Variants in ADPRHL1 observed in about 807,000 individuals in gnomAD.
ADPRHL1 encodes the protein inactive ADP-ribosyltransferase ARH2.
In ADPRHL1, 43 loss-of-function variants were observed where a neutral mutation model predicts 44.1. The observed-to-expected ratio is 0.98, with a 90% CI of 0.76 to 1.26. ADPRHL1 has a LOEUF of 1.26. Among genes scored for constraint, ADPRHL1 ranks in the 50% most tolerant of loss-of-function variants. ADPRHL1 has a pLI of 0.00. For missense variants in ADPRHL1, 2,022 were observed against 2,496.9 expected, an observed-to-expected ratio of 0.81 and a Z score of 4.05; for synonymous variants, 878 against 1,017.4, an observed-to-expected ratio of 0.86 and a Z score of 2.61.
chr13:113,412,518 C>T (rs1317686269), intron 7 of ADPRHL1, among the ~76,000 whole-genome samples: 2 of 152,248 alleles, frequency 1.3e-5, no homozygotes, highest in Non-Finnish European at 2.9e-5. Context: ...CACTTTTCAA[C>T]AAGTCACCCC....
rs773745917 is a variant in ADPRHL1 at position 113,433,779 on chromosome 13, G to A, written c.468C>T (p.Ser156=). 27 of 1,593,810 alleles carry A rather than the reference G, an allele frequency of 1.7e-5. No homozygotes were observed. The highest frequency in any genetic ancestry group is 5.7e-5 in the South Asian group (5 of 87,964). ...PERLETLIEV[S]VECGRMTHNH... ...TGTGGGTCATCCGGCCGCACTCCACGCTGACCTCGATGAGGGTCTCCAGCC... is the reference window on the plus strand; with the variant it reads ...TGTGGGTCATCCGGCCGCACTCCACACTGACCTCGATGAGGGTCTCCAGCC... Residue 156 remains serine, a synonymous_variant, in exon 3 of 8, where the codon AGC becomes AGT. Transcript: ENST00000612156.
At chr13:113,439,447 T>A (rs867538474) in intron 2 of ADPRHL1, among the ~76,000 whole-genome samples, 26,803 of 144,092 alleles carry the variant, frequency 0.19, 2,769 homozygotes, top group Non-Finnish European at 0.2. Context: ...TCTTTGTATT[T>A]TTTTTTTTTT....
chr13:113,416,333 T>C (rs1285469432), intron 7 of ADPRHL1, among the ~76,000 whole-genome samples: 2 of 152,040 alleles, frequency 1.3e-5, no homozygotes, highest in Non-Finnish European at 2.9e-5. Flanking sequence ...AGATCTTATA[T>C]GTGACTGACT....
intron 7 of ADPRHL1, among the ~76,000 whole-genome samples, chr13:113,412,779 GCA>G (rs2043863344): frequency 3.0e-5 from 3 of 98,952 alleles, no homozygotes; most frequent in Non-Finnish European, 6.8e-5. Context: ...ACAGCGCCCC[GCA>G]GAACTCGGTT....
chr13:113,414,675 TTC>T (rs2043878210), intron 7 of ADPRHL1, among the ~76,000 whole-genome samples: 1 of 149,408 alleles, frequency 6.7e-6, no homozygotes, highest in Non-Finnish European at 1.5e-5. Flanking sequence ...GTCTTCTGTT[TTC>T]TGTTTTTTTT....
chr13:113,422,901 A>C lies in ADPRHL1; in HGVS notation c.986T>G (p.Leu329Trp). 2 of 1,612,938 alleles carry C rather than the reference A, an allele frequency of 1.2e-6. No individual in the cohort carries two copies. The highest frequency in any genetic ancestry group is 1.3e-5 in the African/African-American group (1 of 75,040). ...LYGLDLVPKG[L>W]YQDLEDKEKL... ...CTCCTTGTCCTCCAGGTCCTGGTAC[A>C]AGCCTTTGGGAACGAGGTCCAGGCC... The change falls in exon 7 of 8, where the codon TTG becomes TGG. Residue 329 changes from leucine (L) to tryptophan (W), a missense_variant. By Grantham distance (61) the Leu-to-Trp change is moderately conservative. This residue lies in a region of ADPRHL1 where 1,221 missense variants were observed against 1,517.8 expected (regional missense o/e 0.80). Transcript: ENST00000612156.
chr13:113,433,197 A>T (rs1378377703), intron 3 of ADPRHL1, among the ~76,000 whole-genome samples: 1 of 152,156 alleles, frequency 6.6e-6, no homozygotes, highest in Non-Finnish European at 1.5e-5. Flanking sequence ...CGTGGGGTGG[A>T]GCCGCTCCCG....
chr13:113,403,801 C>T lies in ADPRHL1; in HGVS notation c.5481G>A (p.Glu1827=). The T allele has an allele frequency of 8.1e-7, 1 of 1,234,480 alleles. No individual in the cohort carries two copies. The allele number at this position is 1,234,480 out of a possible 1,614,324, so 76.5% of individuals were successfully genotyped here. A position where few individuals can be genotyped will look rare whatever the true frequency, so the allele number is the denominator to read the frequency against. The change falls in exon 8 of 8, where the codon GAG becomes GAA. Residue 1827 remains glutamate, a synonymous_variant. Coordinates refer to ENST00000612156, the MANE Select transcript of ADPRHL1 (RefSeq NM_001394807.1). ...CACTCCTGCCAGCAGCATCCACTCC[C>T]TCAGCTATGCCACTAATGGGCTGCT... ...AWEQPISGIA[E]GVDAAGRSGG...
intron 3 of ADPRHL1, among the ~76,000 whole-genome samples, 192 bp downstream of exon 3, chr13:113,433,550 G>C (rs571054206): frequency 1.3e-5 from 2 of 152,326 alleles, no homozygotes; most frequent in Admixed American, 1.3e-4. Context: ...CCAGCCCAGT[G>C]TCCCGGGCAG....
intron 1 of ADPRHL1, among the ~76,000 whole-genome samples, chr13:113,447,059 GCA>G: frequency 1.4e-5 from 2 of 147,050 alleles, no homozygotes; most frequent in Admixed American, 6.8e-5. Context: ...TGTTGTGTGT[GCA>G]TGGTGTCTAC....
chr13:113,414,294 A>G (rs377399012), intron 7 of ADPRHL1, among the ~76,000 whole-genome samples: 110 of 152,302 alleles, frequency 7.2e-4, no homozygotes, highest in African/African-American at 2.5e-3. Flanking sequence ...CTCGGCCAAC[A>G]GCGCTTAGAA....
Position 113,405,365 on chromosome 13 carries a change from C to G in ADPRHL1, c.3917G>C (p.Arg1306Pro), listed in dbSNP as rs573677872. ...AAGCAGATGGTCAGGCTCCGCCCCA[C>G]GGGGAAACCTGACGCCCTCCCTGCC... Reference protein sequence around the residue: ...AKGREGVRFPRGAEPDHLLPA... With the variant: ...AKGREGVRFPPGAEPDHLLPA... Residue 1306 changes from arginine (R) to proline (P), a missense_variant, in exon 8 of 8, where the codon CGT becomes CCT. Around this residue, in one of 8 missense-constraint regions of ADPRHL1, gnomAD observed 1,221 missense variants for 1,517.8 expected, o/e 0.80. Transcript: ENST00000612156. 4.9e-6 allele frequency: 6 copies of G among 1,231,714 alleles called. No individual in the cohort carries two copies. The African/African-American group carries it at 6.2e-5, about 13-fold the overall frequency. The allele number at this position is 1,231,714 out of a possible 1,614,324, so 76.3% of individuals were successfully genotyped here. A position where few individuals can be genotyped will look rare whatever the true frequency, so the allele number is the denominator to read the frequency against.
chr13:113,427,448 C>G (rs1029769128), intron 4 of ADPRHL1, among the ~76,000 whole-genome samples: 2 of 152,208 alleles, frequency 1.3e-5, no homozygotes, highest in African/African-American at 4.8e-5. Context: ...AGGCTGACCT[C>G]GAACTCCTGA....
chr13:113,406,940 G>A lies in ADPRHL1; in HGVS notation c.2342C>T (p.Thr781Ile). The stretch of plus-strand genomic sequence containing the variant: ...ATCCTCTGAACTGCAAACAGTCATG[G>A]TGATTTCAGGGCCCTCCCCTGCACA... Reference protein sequence around the residue: ...GECAGEGPEITMTVCSSEDER... With the variant: ...GECAGEGPEIIMTVCSSEDER... The change falls in exon 8 of 8, where the codon ACC (threonine) becomes ATC (isoleucine). Residue 781 changes from threonine to isoleucine, a missense_variant. By Grantham distance (89) the Thr-to-Ile change is moderately conservative (BLOSUM62 -1). Transcript: ENST00000612156. 8.1e-7 allele frequency: 1 copy of A among 1,232,184 alleles called. No individual in the cohort carries two copies. The highest frequency in any genetic ancestry group is 1.0e-6 in the Non-Finnish European group (1 of 988,066). 76.3% of individuals were successfully genotyped at this position (1,232,184 alleles called of 1,614,324 possible).
intron 1 of ADPRHL1, among the ~76,000 whole-genome samples, chr13:113,450,921 G>GAA (rs1325865241): frequency 6.6e-6 from 1 of 150,964 alleles, no homozygotes; most frequent in Non-Finnish European, 1.5e-5. Flanking sequence ...TGGAAGAGCA[G>GAA]TCTTCTCTAA....
Position 113,403,022 on chromosome 13 carries a change from G to C in ADPRHL1, c.*356C>G, listed in dbSNP as rs568320242. The C allele has an allele frequency of 2.3e-5, 4 of 173,154 alleles. No homozygotes were observed. The South Asian group carries it at 8.0e-4, about 35-fold the overall frequency. 10.7% of individuals were successfully genotyped at this position (173,154 alleles called of 1,614,324 possible). A position where few individuals can be genotyped will look rare whatever the true frequency, so the allele number is the denominator to read the frequency against. ...AAGTGCCAGCATCCTGCAGATCGAA[G>C]GGGACGCACACACCGTGCCACTGCG... is the stretch of plus-strand genomic sequence containing the variant. On this transcript the variant is annotated 3_prime_UTR_variant, in exon 8 of 8. Coordinates refer to ENST00000612156, the MANE Select transcript of ADPRHL1 (RefSeq NM_001394807.1).
chr13:113,432,001 A>G (rs898028885), intron 3 of ADPRHL1, among the ~76,000 whole-genome samples: 1 of 152,222 alleles, frequency 6.6e-6, no homozygotes, highest in Non-Finnish European at 1.5e-5. Flanking sequence ...TACAGGCGTG[A>G]GCCACCGCGC....
rs1023506079 is a variant in ADPRHL1, at chr13:113,403,312, A to C, written c.*66T>G. The stretch of plus-strand genomic sequence containing the variant: ...CCAAGACGCATTTGGAGGCAGGAAA[A>C]TGCCTGAAGTCCCTCAATGGGCGGA... On this transcript the variant is annotated 3_prime_UTR_variant, in exon 8 of 8. Coordinates refer to ENST00000612156, the MANE Select transcript of ADPRHL1 (RefSeq NM_001394807.1). 2.5e-6 allele frequency: 3 copies of C among 1,213,882 alleles called. No individual in the cohort carries two copies. The highest frequency in any genetic ancestry group is 3.1e-6 in the Non-Finnish European group (3 of 972,042). The allele number at this position is 1,213,882 out of a possible 1,614,324, so 75.2% of individuals were successfully genotyped here.
intron 7 of ADPRHL1, among the ~76,000 whole-genome samples, chr13:113,417,509 G>A (rs1481610301): frequency 6.6e-6 from 1 of 152,028 alleles, no homozygotes; most frequent in Non-Finnish European, 1.5e-5. Context: ...TTGTCTGTCT[G>A]TCCCAGATCA....
Sources: allele counts gnomAD v4.1 joint callset (sites outside exome capture counted in the v4.1 genomes callset), GRCh38; gene constraint gnomAD v4.1.1; regional missense constraint gnomAD v4.1.1; transcripts MANE v1.5; gene names NCBI Gene and HGNC (gene_info 2026-07-23, HGNC 2026-07-21).